Variants in NLGN1 observed in about 807,000 individuals in gnomAD.
NLGN1 encodes neuroligin-1.
NLGN1 carries 12 observed loss-of-function variants against 65.5 expected under a neutral mutation model. That is an observed-to-expected ratio of 0.18 (90% CI 0.12 to 0.30). NLGN1 has a LOEUF of 0.30. NLGN1 is among the 10% of genes least tolerant of loss of function. The pLI is 1.00. For missense variants in NLGN1, 750 were observed against 1,007.1 expected, an observed-to-expected ratio of 0.74 and a Z score of 3.46; for synonymous variants, 350 against 359.5, an observed-to-expected ratio of 0.97 and a Z score of 0.30.
chr3:174,238,512 G>C (rs1742168569), intron 4 of NLGN1, among the ~76,000 whole-genome samples: 1 of 151,984 alleles, frequency 6.6e-6, no homozygotes, highest in African/African-American at 2.4e-5. Flanking sequence ...ACAGGTGCGT[G>C]CCACCATGCC....
chr3:174,132,699 C>A (rs1720439345), intron 4 of NLGN1, among the ~76,000 whole-genome samples: 2 of 152,108 alleles, frequency 1.3e-5, no homozygotes, highest in Admixed American at 1.3e-4. Flanking sequence ...TGATTCTGTT[C>A]TTTATCCAGT....
chr3:173,433,236 A>G (rs1044959781), intron 1 of NLGN1, among the ~76,000 whole-genome samples: 1 of 152,082 alleles, frequency 6.6e-6, no homozygotes, highest in Non-Finnish European at 1.5e-5. Context: ...GATGCTCCTT[A>G]TTGGGCTGCC....
intron 3 of NLGN1, among the ~76,000 whole-genome samples, chr3:173,803,795 C>G (rs1202252359): frequency 6.6e-6 from 1 of 151,972 alleles, no homozygotes; most frequent in East Asian, 1.9e-4. Context: ...ATAAAAATGA[C>G]TGGAGGCACA....
chr3:174,272,651 A>G (rs1749622799), intron 4 of NLGN1, among the ~76,000 whole-genome samples: 1 of 132,168 alleles, frequency 7.6e-6, no homozygotes, highest in Non-Finnish European at 1.7e-5. Context: ...GATGATATGG[A>G]TGGATGGATG....
intron 2 of NLGN1, among the ~76,000 whole-genome samples, chr3:173,476,768 A>G (rs767644689): frequency 2.6e-5 from 4 of 152,182 alleles, no homozygotes; most frequent in African/African-American, 4.8e-5. Flanking sequence ...GATAGAGAGA[A>G]CATTTAGATA....
intron 4 of NLGN1, among the ~76,000 whole-genome samples, chr3:173,994,216 T>TACTGCC (rs2152417170): frequency 6.6e-6 from 1 of 152,212 alleles, no homozygotes; most frequent in East Asian, 1.9e-4. Flanking sequence ...CAAGTGATCC[T>TACTGCC]ACTGCCTCTG....
intron 4 of NLGN1, among the ~76,000 whole-genome samples, chr3:174,086,256 T>C (rs1045306864): frequency 7.6e-3 from 20 of 2,640 alleles, no homozygotes; most frequent in African/African-American, 0.017. Flanking sequence ...TGTATGTGCA[T>C]ACATATATAT....
rs1553884974 is a variant in NLGN1 at position 173,901,368 on chromosome 3, G to GT, written c.646+93536_646+93537insT. Among the ~76,000 whole-genome samples, 1,357 of 150,354 alleles carry GT rather than the reference G, an allele frequency of 9.0e-3. 30 individuals carry two copies. Among genetic ancestry groups the GT allele is most frequent in the African/African-American group, 0.031 (1,290 of 41,166 alleles). The stretch of plus-strand genomic sequence containing the variant: ...TTGAAAAACTAGTATTTTTTTTGGG[G>GT]GGGTGTGTGTGTGTGTGTTTAAAAA... On this transcript the variant is annotated intron_variant, in intron 4 of 6. Coordinates refer to ENST00000457714, the Ensembl canonical transcript of NLGN1.
At chr3:173,832,376 T>C (rs914490502) in intron 4 of NLGN1, among the ~76,000 whole-genome samples, 6 of 152,242 alleles carry the variant, frequency 3.9e-5, no homozygotes, top group African/African-American at 1.2e-4. Flanking sequence ...ACTTTCCTTA[T>C]ATTAACTATT....
At chr3:174,133,869 T>A (rs1012623044) in intron 4 of NLGN1, among the ~76,000 whole-genome samples, 2 of 137,996 alleles carry the variant, frequency 1.4e-5, no homozygotes, top group African/African-American at 2.7e-5. Context: ...TTTTTCTTTA[T>A]CTCTCCCCCA....
Position 173,989,772 on chromosome 3 carries a change from G to A in NLGN1, c.646+181940G>A, listed in dbSNP as rs548216442. 3.9e-5 allele frequency among the ~76,000 whole-genome samples: 6 copies of A among 152,210 alleles called. No homozygotes were observed. The South Asian group carries it at 1.2e-3, about 32-fold the overall frequency. ...CCACCCTTCCTTTTCCCCGTGCTCAGCATTTTGGCTTCGGTGTTGATGACT... is the reference window on the plus strand; with the variant it reads ...CCACCCTTCCTTTTCCCCGTGCTCAACATTTTGGCTTCGGTGTTGATGACT... On this transcript the variant is annotated intron_variant, in intron 4 of 6. Coordinates refer to ENST00000457714, the Ensembl canonical transcript of NLGN1.
intron 4 of NLGN1, among the ~76,000 whole-genome samples, chr3:173,941,810 T>A (rs1746154216): frequency 6.6e-6 from 1 of 152,072 alleles, no homozygotes; most frequent in African/African-American, 2.4e-5. Flanking sequence ...ATGCATTTGA[T>A]GAATTATTTA....
chr3:174,112,563 A>T (rs756122582), intron 4 of NLGN1, among the ~76,000 whole-genome samples: 2 of 151,906 alleles, frequency 1.3e-5, no homozygotes, highest in African/African-American at 4.8e-5. Context: ...TCACTGTTCA[A>T]TAGATCCATG....
At chr3:173,565,559 A>G (rs35515001) in intron 2 of NLGN1, among the ~76,000 whole-genome samples, 55,780 of 151,948 alleles carry the variant, frequency 0.37, 11,043 homozygotes, top group East Asian at 0.73. Flanking sequence ...AGGAATTAAA[A>G]GATAGCATAA....
intron 4 of NLGN1, among the ~76,000 whole-genome samples, chr3:174,064,616 GA>G (rs1236364166): frequency 2.4e-4 from 36 of 149,926 alleles, no homozygotes; most frequent in Admixed American, 1.7e-3. Flanking sequence ...GGATATATGA[GA>G]ATATGTATAT....
At chr3:174,254,453 T>A (rs1043664659) in intron 4 of NLGN1, among the ~76,000 whole-genome samples, 2 of 152,046 alleles carry the variant, frequency 1.3e-5, no homozygotes, top group African/African-American at 4.8e-5. Context: ...TGCATCTAAC[T>A]TGAGACTTTT....
chr3:173,854,787 G>A (rs1727636960), intron 4 of NLGN1, among the ~76,000 whole-genome samples: 1 of 152,050 alleles, frequency 6.6e-6, no homozygotes, highest in Admixed American at 6.6e-5. Flanking sequence ...AGGAGACAAG[G>A]AAAATGACAT....
intron 2 of NLGN1, among the ~76,000 whole-genome samples, chr3:173,439,798 T>A (rs1718825475): frequency 6.6e-6 from 1 of 152,176 alleles, no homozygotes; most frequent in African/African-American, 2.4e-5. Context: ...TGAGTCTTAA[T>A]CTTTTTATTG....
downstream of NLGN1, among the ~76,000 whole-genome samples, chr3:174,287,427 TAAAA>T (rs1752252614): frequency 6.6e-6 from 1 of 151,550 alleles, no homozygotes; most frequent in Non-Finnish European, 1.5e-5. Context: ...ATTAAACAGT[TAAAA>T]AACATATTCT....
Sources: allele counts gnomAD v4.1 joint callset (sites outside exome capture counted in the v4.1 genomes callset), GRCh38; gene constraint gnomAD v4.1.1; transcripts MANE v1.5; gene names NCBI Gene and HGNC (gene_info 2026-07-23, HGNC 2026-07-21).